GPHN: variants seen among roughly 807,000 people sequenced by gnomAD.
GPHN encodes gephyrin.
A neutral mutation model predicts 95.5 loss-of-function variants in GPHN; 17 were observed. The ratio of observed to expected loss-of-function variants is 0.18; its 90% CI spans 0.12 to 0.27. The LOEUF is 0.27. Among genes scored for constraint, GPHN ranks in the 10% least tolerant of loss-of-function variants. The pLI, the probability that GPHN is intolerant of heterozygous loss-of-function variation, is 1.00. For missense variants in GPHN, 660 were observed against 978.1 expected, an observed-to-expected ratio of 0.67 and a Z score of 4.34; for synonymous variants, 320 against 322.5, an observed-to-expected ratio of 0.99 and a Z score of 0.08.
At chr14:67,232,137 C>A in the GPHN span, among the ~76,000 whole-genome samples, 1 of 152,128 alleles carries the variant, frequency 6.6e-6, no homozygotes, top group African/African-American at 2.4e-5. Flanking sequence ...CGCCTTGCTT[C>A]TAGACAATAA....
At chr14:66,589,627 CT>C (rs1261649890) in intron 1 of GPHN, among the ~76,000 whole-genome samples, 1 of 152,058 alleles carries the variant, frequency 6.6e-6, no homozygotes, top group Non-Finnish European at 1.5e-5. Context: ...GCAACAAGAG[CT>C]AACTATCCTA....
the GPHN span, among the ~76,000 whole-genome samples, chr14:67,245,078 C>T: frequency 6.6e-6 from 1 of 152,124 alleles, no homozygotes; most frequent in Admixed American, 6.5e-5. Context: ...TGAAGAGGCT[C>T]CAGAAAAGAA....
the GPHN span, among the ~76,000 whole-genome samples, chr14:67,424,597 TA>T: frequency 1.5e-3 from 191 of 124,844 alleles, no homozygotes; most frequent in Middle Eastern, 8.5e-3. Flanking sequence ...AGACGCTGTT[TA>T]AAAAAAAAAA....
At chr14:67,150,168 C>T (rs1362895977) in intron 18 of GPHN, among the ~76,000 whole-genome samples, 2 of 151,962 alleles carry the variant, frequency 1.3e-5, no homozygotes, top group African/African-American at 2.4e-5. Context: ...GTTGGCCGGG[C>T]GCGGTGGCTC....
chr14:67,608,351 G>A, the GPHN span, among the ~76,000 whole-genome samples: 661 of 152,230 alleles, frequency 4.3e-3, 1 homozygote, highest in African/African-American at 0.015. Flanking sequence ...AATTTACATT[G>A]TATTAGGTAT....
chr14:67,449,181 AT>A, the GPHN span, among the ~76,000 whole-genome samples: 6 of 152,304 alleles, frequency 3.9e-5, no homozygotes, highest in Admixed American at 3.9e-4. Flanking sequence ...CTATCTGCAC[AT>A]TCCTCTCCAA....
At chr14:66,825,515 C>T (rs2061357602) in intron 4 of GPHN, among the ~76,000 whole-genome samples, 1 of 151,916 alleles carries the variant, frequency 6.6e-6, no homozygotes, top group African/African-American at 2.4e-5. Flanking sequence ...ATTGCTTGAC[C>T]CCCCACCCCT....
chr14:66,814,413 G>T (rs1432039522), intron 3 of GPHN, among the ~76,000 whole-genome samples: 8 of 152,136 alleles, frequency 5.3e-5, no homozygotes, highest in Admixed American at 5.2e-4. Flanking sequence ...CCCTGCATCT[G>T]TTAGCACTCT....
At chr14:66,769,168 T>C (rs2153457057) in intron 2 of GPHN, among the ~76,000 whole-genome samples, 1 of 152,182 alleles carries the variant, frequency 6.6e-6, no homozygotes, top group East Asian at 1.9e-4. Flanking sequence ...CTAGAGTACC[T>C]ACAATAATTA....
At chr14:66,648,873 T>C (rs2064892491) in intron 1 of GPHN, among the ~76,000 whole-genome samples, 1 of 152,208 alleles carries the variant, frequency 6.6e-6, no homozygotes, top group Non-Finnish European at 1.5e-5. Flanking sequence ...TTGTTGCCTG[T>C]TCCCTAACAG....
intron 17 of GPHN, among the ~76,000 whole-genome samples, chr14:67,130,663 C>G (rs1205667743): frequency 6.6e-6 from 1 of 152,118 alleles, no homozygotes; most frequent in Non-Finnish European, 1.5e-5. Flanking sequence ...GTTCTCAGTT[C>G]TTTGAGAAAT....
intron 10 of GPHN, among the ~76,000 whole-genome samples, chr14:67,028,487 T>C (rs2074033645): frequency 6.6e-6 from 1 of 152,184 alleles, no homozygotes; most frequent in South Asian, 2.1e-4. Context: ...CCACCAACAG[T>C]GTATAAGAGT....
intron 2 of GPHN, among the ~76,000 whole-genome samples, chr14:66,768,240 C>T (rs2059035603): frequency 6.6e-6 from 1 of 151,006 alleles, no homozygotes; most frequent in Non-Finnish European, 1.5e-5. Flanking sequence ...CAAGACAGAG[C>T]AAAATAACAT....
chr14:66,794,232 C>T (rs918524771), intron 3 of GPHN, among the ~76,000 whole-genome samples: 1 of 152,118 alleles, frequency 6.6e-6, no homozygotes, highest in Non-Finnish European at 1.5e-5. Flanking sequence ...CCCCTTGGTG[C>T]TGTTCTTGTG....
chr14:66,747,833 A>G (rs993683313), intron 2 of GPHN, among the ~76,000 whole-genome samples: 1 of 152,062 alleles, frequency 6.6e-6, no homozygotes. Flanking sequence ...GATATTTCAT[A>G]TTTTTGTAAA....
the GPHN span, among the ~76,000 whole-genome samples, chr14:67,339,140 C>T: frequency 8.6e-5 from 13 of 151,900 alleles, no homozygotes; most frequent in East Asian, 1.9e-3. Flanking sequence ...GGAATACAGG[C>T]GCATGCTGCC....
chr14:67,005,916 C>A (rs980046439), intron 9 of GPHN, among the ~76,000 whole-genome samples: 1 of 150,902 alleles, frequency 6.6e-6, no homozygotes, highest in Non-Finnish European at 1.5e-5. Context: ...TATATTTCTC[C>A]CTTGGAACTG....
the GPHN span, among the ~76,000 whole-genome samples, chr14:67,643,486 G>C: frequency 1.3e-5 from 2 of 152,146 alleles, no homozygotes; most frequent in African/African-American, 2.4e-5. Context: ...TGGTAGATAT[G>C]GTTTTATCAT....
At chr14:67,324,992 C>T in the GPHN span, among the ~76,000 whole-genome samples, 19 of 150,138 alleles carry the variant, frequency 1.3e-4, no homozygotes, top group African/African-American at 4.7e-4. Flanking sequence ...GCAAGCTCCG[C>T]CTCCCAGGTT....
Sources: gnomAD v4.1 joint callset for allele counts (sites outside exome capture counted in the v4.1 genomes callset) on GRCh38, gnomAD v4.1.1 for gene constraint, MANE v1.5 for transcripts, NCBI Gene and HGNC (gene_info 2026-07-23, HGNC 2026-07-21) for gene names.